Variants in CLNK observed in about 807,000 individuals in gnomAD.
CLNK encodes cytokine dependent hematopoietic cell linker.
Under a neutral mutation model 68.6 loss-of-function variants are expected in CLNK, and 74 were observed. The ratio of observed to expected loss-of-function variants is 1.08; its 90% confidence interval spans 0.89 to 1.31. The LOEUF is 1.31. Among genes scored for constraint, CLNK ranks in the 50% most tolerant of loss-of-function variants. The pLI is 0.00. For synonymous variants in CLNK, 198 were observed against 172.2 expected (o/e 1.15, Z -1.17); for missense variants, 553 against 515.3 (o/e 1.07, Z -0.71).
At chr4:10,673,124 G>A (rs779254815) in intron 1 of CLNK, among the ~76,000 whole-genome samples, 1 of 152,196 alleles carries the variant, frequency 6.6e-6, no homozygotes, top group Non-Finnish European at 1.5e-5. Flanking sequence ...AGGCAGTGAA[G>A]AAGTAAAGTC....
At chr4:10,699,285 C>CACACATACACACCACGTATGT in the CLNK span, among the ~76,000 whole-genome samples, 4 of 46,192 alleles carry the variant, frequency 8.7e-5, 2 homozygotes, top group East Asian at 2.3e-3. Context: ...ACACCACATA[C>CACACATACACACCACGTATGT]GTGTATACAC....
chr4:10,700,004 A>ATGTGTGTGTGTG, the CLNK span, among the ~76,000 whole-genome samples: 33,142 of 144,616 alleles, frequency 0.23, 4,007 homozygotes, highest in South Asian at 0.39. Context: ...GTGTGTGCAT[A>ATGTGTGTGTGTG]TGTGTGTGTG....
intron 7 of CLNK, among the ~76,000 whole-genome samples, chr4:10,563,914 G>T (rs1026516833): frequency 2.0e-4 from 28 of 140,300 alleles, no homozygotes; most frequent in African/African-American, 7.2e-4. Flanking sequence ...CTCAAAAAAA[G>T]AAAAGAAAAG....
intron 2 of CLNK, among the ~76,000 whole-genome samples, chr4:10,630,400 A>G (rs1447591660): frequency 6.6e-6 from 1 of 152,232 alleles, no homozygotes; most frequent in Non-Finnish European, 1.5e-5. Context: ...AGGCTCTCAC[A>G]GGCAAAGCTG....
intron 4 of CLNK, among the ~76,000 whole-genome samples, chr4:10,584,601 A>G (rs950131315): frequency 1.3e-5 from 2 of 152,212 alleles, no homozygotes; most frequent in African/African-American, 4.8e-5. Context: ...AATACTAGTG[A>G]GTCACCATAA....
intron 2 of CLNK, among the ~76,000 whole-genome samples, chr4:10,599,383 C>T (rs1256186846): frequency 1.3e-5 from 2 of 152,152 alleles, no homozygotes; most frequent in African/African-American, 4.8e-5. Context: ...TATTTTGTCA[C>T]TGTGTAAATT....
intron 18 of CLNK, 51 bp from the exon 19 acceptor site, chr4:10,490,664 G>A: frequency 6.9e-7 from 1 of 1,456,214 alleles, no homozygotes; most frequent in Non-Finnish European, 9.4e-7. Context: ...TTTTGTGTCT[G>A]TAGGTTAAAG....
intron 3 of CLNK, among the ~76,000 whole-genome samples, 187 bp downstream of exon 3, chr4:10,597,791 A>G (rs557732404): frequency 1.3e-5 from 2 of 152,262 alleles, no homozygotes; most frequent in East Asian, 3.9e-4. Context: ...CTAGGTTTGT[A>G]TCACACACCT....
intron 3 of CLNK, among the ~76,000 whole-genome samples, chr4:10,597,339 G>A (rs1721422237): frequency 6.6e-6 from 1 of 152,148 alleles, no homozygotes; most frequent in Non-Finnish European, 1.5e-5. Context: ...TAGTCGGCTG[G>A]GCAGCCCTGG....
intron 2 of CLNK, among the ~76,000 whole-genome samples, chr4:10,598,916 T>C (rs1484355519): frequency 1.3e-5 from 2 of 152,194 alleles, no homozygotes; most frequent in Non-Finnish European, 2.9e-5. Flanking sequence ...TCCTTGGACT[T>C]TCTCTGCTCC....
chr4:10,541,088 C>A (rs1718996518), intron 10 of CLNK, among the ~76,000 whole-genome samples: 1 of 151,932 alleles, frequency 6.6e-6, no homozygotes, highest in Admixed American at 6.6e-5. Flanking sequence ...GTGGCATGCA[C>A]CTGTAATCCC....
Position 10,521,537 on chromosome 4 carries a change from G to A in CLNK, c.732-706C>T, listed in dbSNP as rs574287530. Among the ~76,000 whole-genome samples, 3 of 152,240 alleles carry A rather than the reference G, an allele frequency of 2.0e-5. No individual in the cohort carries two copies. The South Asian group carries it at 6.2e-4, about 32-fold the overall frequency. Reference sequence around the variant, plus strand: ...TTACATGAGTGATGCTCTATTCCAAGGACTGTGCTATTGACTAAAGCCTCT... The same window carrying A: ...TTACATGAGTGATGCTCTATTCCAAAGACTGTGCTATTGACTAAAGCCTCT... On this transcript the variant is annotated intron_variant, in intron 14 of 18. Coordinates refer to ENST00000226951, the MANE Select transcript of CLNK (RefSeq NM_052964.4).
intron 2 of CLNK, among the ~76,000 whole-genome samples, chr4:10,653,514 A>G (rs1723838300): frequency 6.6e-6 from 1 of 152,224 alleles, no homozygotes; most frequent in Admixed American, 6.5e-5. Flanking sequence ...ATTATAATTC[A>G]AAGAATAAAT....
intron 2 of CLNK, 107 bp downstream of exon 2, chr4:10,667,752 C>T (rs908340925): frequency 2.8e-6 from 3 of 1,059,804 alleles, no homozygotes; most frequent in East Asian, 2.7e-5. Context: ...ATCCCTTTTC[C>T]ATGGGCGGCC....
intron 2 of CLNK, among the ~76,000 whole-genome samples, chr4:10,659,086 C>T (rs1025015209): frequency 2.6e-5 from 4 of 152,174 alleles, no homozygotes; most frequent in African/African-American, 9.7e-5. Flanking sequence ...CACCTGTAAT[C>T]CCAGCTACTC....
At chr4:10,636,951 G>A (rs1188362063) in intron 2 of CLNK, among the ~76,000 whole-genome samples, 1 of 152,120 alleles carries the variant, frequency 6.6e-6, no homozygotes, top group Non-Finnish European at 1.5e-5. Flanking sequence ...TGAATTCCAA[G>A]TACACTTGTG....
At chr4:10,608,862 C>A (rs1006643187) in intron 2 of CLNK, among the ~76,000 whole-genome samples, 2 of 152,202 alleles carry the variant, frequency 1.3e-5, no homozygotes, top group Non-Finnish European at 2.9e-5. Context: ...ACCCTTAGAA[C>A]TGGCGTTTGG....
At chr4:10,504,962 A>G (rs982681953) in intron 17 of CLNK, among the ~76,000 whole-genome samples, 1 of 152,200 alleles carries the variant, frequency 6.6e-6, no homozygotes, top group African/African-American at 2.4e-5. Flanking sequence ...GAGGAAGGGA[A>G]TATTTGCTGA....
intron 1 of CLNK, among the ~76,000 whole-genome samples, chr4:10,681,078 C>A (rs114388013): frequency 6.6e-6 from 1 of 152,162 alleles, no homozygotes; most frequent in African/African-American, 2.4e-5. Flanking sequence ...CATAGCTCAG[C>A]AAATCCAGCT....
Sources: gnomAD v4.1 joint callset for allele counts (sites outside exome capture counted in the v4.1 genomes callset) on GRCh38, gnomAD v4.1.1 for gene constraint, MANE v1.5 for transcripts, NCBI Gene and HGNC (gene_info 2026-07-23, HGNC 2026-07-21) for gene names.